The following MCM3AP variants were observed in gnomAD, a reference collection of about 807,000 sequenced individuals.
MCM3AP encodes minichromosome maintenance complex component 3 associated protein.
MCM3AP carries 126 observed loss-of-function variants against 184.1 expected under a neutral mutation model. The ratio of observed to expected loss-of-function variants is 0.68; its 90% CI spans 0.59 to 0.79. The LOEUF is 0.79. Among genes scored for constraint, MCM3AP ranks in the 30% least tolerant of loss-of-function variants. MCM3AP has a pLI of 0.00. For missense variants in MCM3AP, 2,496 were observed against 2,479.2 expected (o/e 1.01, Z -0.14); for synonymous variants, 1,002 against 979.3 (o/e 1.02, Z -0.43).
chr21:46,243,453 A>G lies in MCM3AP; in HGVS notation c.5296+12T>C. ...GTGAGGAGCTGATCCCATTGCATCA[A>G]GCTCTAATTACCTGATGTAACAGGA... On this transcript the variant is annotated intron_variant, in intron 24 of 27. Transcript: ENST00000291688. 1 of 1,591,644 alleles carries G rather than the reference A, an allele frequency of 6.3e-7. No individual in the cohort carries two copies. Among genetic ancestry groups the G allele is most frequent in the South Asian group, 1.1e-5 (1 of 87,620 alleles).
At chr21:46,277,440 C>T (rs2081269903) in intron 5 of MCM3AP, 87 bp downstream of exon 5, 3 of 1,015,370 alleles carry the variant, frequency 3.0e-6, no homozygotes, top group African/African-American at 3.3e-5. Context: ...CAATAGAGCC[C>T]AATGGAAAGG....
At chr21:46,266,869 G>A (rs1392105480) in intron 10 of MCM3AP, 113 bp downstream of exon 10, 4 of 1,150,464 alleles carry the variant, frequency 3.5e-6, no homozygotes, top group Non-Finnish European at 4.9e-6. Flanking sequence ...CTGCATGGCA[G>A]AGGGAATGCA....
At chr21:46,253,468 G>A (rs1047571571) in intron 19 of MCM3AP, 2 of 152,246 alleles carry the variant, frequency 1.3e-5, no homozygotes, top group Non-Finnish European at 2.9e-5. Context: ...TGTTGGAGGA[G>A]GGGCCTGGTG....
At chr21:46,257,029 C>A (rs1298838279) in intron 16 of MCM3AP, 43 bp from the exon 17 acceptor site, 1 of 1,568,346 alleles carries the variant, frequency 6.4e-7, no homozygotes, top group East Asian at 2.3e-5. Context: ...TTTTCAGGGT[C>A]TTCAAACTGA....
chr21:46,282,167 T>C (rs1385732161), intron 2 of MCM3AP, among the ~76,000 whole-genome samples: 1 of 152,028 alleles, frequency 6.6e-6, no homozygotes, highest in Non-Finnish European at 1.5e-5. Context: ...CTTTTTTTAA[T>C]TAAAAAAATT....
intron 8 of MCM3AP, 71 bp from the exon 9 acceptor site, chr21:46,270,634 T>G (rs1163710975): frequency 7.6e-7 from 1 of 1,313,662 alleles, no homozygotes; most frequent in East Asian, 2.3e-5. Context: ...TGAAGATAGA[T>G]CTGATAAATA....
intron 20 of MCM3AP, chr21:46,247,188 G>A (rs1001955065): frequency 2.0e-5 from 6 of 301,416 alleles, no homozygotes; most frequent in African/African-American, 1.3e-4. Flanking sequence ...TGCTGGGCTC[G>A]AGCAGTCCTC....
Position 46,254,523 on chromosome 21 carries a change from A to G in MCM3AP, c.4005T>C (p.Asp1335=), listed in dbSNP as rs200554506. ...GCAGGTCCAGAGACGCCCATGCCAC[A>G]TCACTGGGAGGAACAGACCACCGTG... is the stretch of plus-strand genomic sequence containing the variant. The part of the protein sequence containing the change: ...VQHFYQQLLS[D]VAWASLDLPS... Residue 1335 remains aspartate (D), a synonymous_variant, in exon 19 of 28, where the codon GAT becomes GAC. Coordinates refer to ENST00000291688, the MANE Select transcript of MCM3AP (RefSeq NM_003906.5). The G allele has an allele frequency of 1.2e-6, 2 of 1,614,014 alleles. No homozygotes were observed. The highest frequency in any genetic ancestry group is 1.7e-5 in the Admixed American group (1 of 60,020).
intron 13 of MCM3AP, among the ~76,000 whole-genome samples, chr21:46,262,297 C>A (rs1474786492): frequency 2.0e-5 from 3 of 152,198 alleles, no homozygotes; most frequent in Admixed American, 6.5e-5. Context: ...TTTACTAACT[C>A]ATTTTATGAG....
chr21:46,243,805 G>C, intron 23 of MCM3AP, 83 bp from the exon 24 acceptor site: 1 of 1,416,360 alleles, frequency 7.1e-7, no homozygotes, highest in East Asian at 2.3e-5. Context: ...TCAGGAGAAG[G>C]CAACTGTGAA....
chr21:46,249,189 C>A (rs2156116), intron 20 of MCM3AP, among the ~76,000 whole-genome samples: 130,394 of 152,060 alleles, frequency 0.86, 56,517 homozygotes, highest in African/African-American at 0.93. Flanking sequence ...AACTGGAAGG[C>A]AAATAATTTT....
intron 15 of MCM3AP, among the ~76,000 whole-genome samples, chr21:46,259,904 C>CA (rs58993039): frequency 0.076 from 6,093 of 79,738 alleles, 200 homozygotes; most frequent in Non-Finnish European, 0.092. Context: ...AACTCCATTT[C>CA]AAAAAAAAAA....
intron 20 of MCM3AP, chr21:46,250,650 G>C (rs370880340): frequency 7.5e-4 from 115 of 152,332 alleles, no homozygotes; most frequent in African/African-American, 2.6e-3. Flanking sequence ...AAGCTCACTA[G>C]AGTGAGCTGG....
Position 46,244,695 on chromosome 21 carries a change from C to T in MCM3AP, c.5038+112G>A, listed in dbSNP as rs1382757239. ...CAGCATGGAGACACACGGAGGTGGA[C>T]GTGCAGCCCTCACACTGGTGCCCAA... On this transcript the variant is annotated intron_variant, in intron 23 of 27. Coordinates refer to ENST00000291688, the MANE Select transcript of MCM3AP (RefSeq NM_003906.5). 3.7e-5 allele frequency: 42 copies of T among 1,141,720 alleles called. No individual in the cohort carries two copies. The East Asian group carries it at 4.8e-4, about 13-fold the overall frequency. The allele number at this position is 1,141,720 out of a possible 1,614,324, so 70.7% of individuals were successfully genotyped here. A position where few individuals can be genotyped will look rare whatever the true frequency, so the allele number is the denominator to read the frequency against.
Position 46,242,925 on chromosome 21 carries a change from A to T in MCM3AP, c.5303T>A (p.Leu1768Gln). ...PPRLPVTSEALSEDGQICVYF... is the reference protein window; with the variant it reads ...PPRLPVTSEAQSEDGQICVYF... ...CACACATATCTGACCATCTTCACTCAGCGCCTCTGAGAAAACAATACAAAA... is the reference window on the plus strand; with the variant it reads ...CACACATATCTGACCATCTTCACTCTGCGCCTCTGAGAAAACAATACAAAA... Residue 1768 changes from leucine to glutamine, a missense_variant, in exon 25 of 28, where the codon CTG becomes CAG. By Grantham distance (113) the Leu-to-Gln change is moderately radical. Coordinates refer to ENST00000291688, the MANE Select transcript of MCM3AP (RefSeq NM_003906.5). 6.2e-7 allele frequency: 1 copy of T among 1,607,340 alleles called. No homozygotes were observed. The highest frequency in any genetic ancestry group is 1.3e-5 in the African/African-American group (1 of 74,450).
chr21:46,260,723 GCAAGA>G, intron 15 of MCM3AP, 65 bp downstream of exon 15: 1 of 1,108,202 alleles, frequency 9.0e-7, no homozygotes, highest in Non-Finnish European at 1.4e-6. Flanking sequence ...CCTCAGTGGT[GCAAGA>G]CACAGCCTAG....
Position 46,265,455 on chromosome 21 carries a change from G to A in MCM3AP, c.3100C>T (p.Pro1034Ser). 6.2e-7 allele frequency: 1 copy of A among 1,613,916 alleles called. No homozygotes were observed. The highest frequency in any genetic ancestry group is 8.5e-7 in the Non-Finnish European group (1 of 1,179,874). The change falls in exon 12 of 28, where the codon CCA (proline) becomes TCA (serine). Residue 1034 changes from proline to serine, a missense_variant. Physicochemically the swap from Pro to Ser is moderately conservative, Grantham distance 74. Coordinates refer to ENST00000291688, the MANE Select transcript of MCM3AP (RefSeq NM_003906.5). ...GGCACTGGTGAGGGCGCAGGGGCTGGTAGAGACTGTGGGAGACTGGACAGG... is the reference window on the plus strand; with the variant it reads ...GGCACTGGTGAGGGCGCAGGGGCTGATAGAGACTGTGGGAGACTGGACAGG... Reference protein sequence around the residue: ...APLSSLPQSLPAPAPSPVPLP... With the variant: ...APLSSLPQSLSAPAPSPVPLP...
chr21:46,235,564 T>C (rs1183467922), intron 27 of MCM3AP, 138 bp from the exon 28 acceptor site: 3 of 678,930 alleles, frequency 4.4e-6, no homozygotes, highest in East Asian at 2.7e-5. Context: ...AAAAAAATTA[T>C]CCTTTGTATA....
rs370560209 is a variant in MCM3AP at position 46,254,773 on chromosome 21, G to T, written c.4001+3C>A. 2 of 1,613,384 alleles carry T rather than the reference G, an allele frequency of 1.2e-6. No homozygotes were observed. Among genetic ancestry groups the T allele is most frequent in the Non-Finnish European group, 1.7e-6 (2 of 1,179,424 alleles). ...GTGCGCAGAAGGGTGCAGCATGACA[G>T]ACCTCAGCAGCTGCTGGTAGAAGTG... On this transcript the variant is annotated splice_donor_region_variant and intron_variant, in intron 18 of 27. Transcript: ENST00000291688.
Sources: allele counts gnomAD v4.1 joint callset (sites outside exome capture counted in the v4.1 genomes callset), GRCh38; gene constraint gnomAD v4.1.1; transcripts MANE v1.5; gene names NCBI Gene and HGNC (gene_info 2026-07-23, HGNC 2026-07-21).